Variants in ZFHX3 observed in about 807,000 individuals in gnomAD.
ZFHX3 encodes zinc finger homeobox protein 3.
ZFHX3 carries 42 observed loss-of-function variants against 279.1 expected under a neutral mutation model. The ratio of observed to expected loss-of-function variants is 0.15; its 90% CI spans 0.12 to 0.19. The LOEUF is 0.19. ZFHX3 is among the 10% of genes least tolerant of loss of function. The pLI is 1.00. For synonymous variants in ZFHX3, 2,293 were observed against 1,957.8 expected (o/e 1.17, Z -4.52); for missense variants, 4,981 against 4,754.0 (o/e 1.05, Z -1.40).
chr16:73,419,097 G>A (rs1251083548), intron 3 of ZFHX3, among the ~76,000 whole-genome samples: 2 of 152,350 alleles, frequency 1.3e-5, no homozygotes, highest in East Asian at 1.9e-4. Context: ...CCCAGATGTT[G>A]GGGAGTGCAA....
At chr16:73,686,016 T>C (rs1338764975) in intron 1 of ZFHX3, among the ~76,000 whole-genome samples, 1 of 152,236 alleles carries the variant, frequency 6.6e-6, no homozygotes, top group Non-Finnish European at 1.5e-5. Flanking sequence ...CAGTTGTCTT[T>C]ATGTTGAACT....
At chr16:73,302,917 C>A (rs1157700161) in intron 4 of ZFHX3, among the ~76,000 whole-genome samples, 1 of 152,202 alleles carries the variant, frequency 6.6e-6, no homozygotes, top group Admixed American at 6.5e-5. Context: ...TGGCATTAAA[C>A]TGTGGCAGGT....
At chr16:73,445,013 T>C (rs2018158532) in intron 3 of ZFHX3, among the ~76,000 whole-genome samples, 1 of 145,044 alleles carries the variant, frequency 6.9e-6, no homozygotes, top group Non-Finnish European at 1.5e-5. Flanking sequence ...CAGGGGCCTA[T>C]AGTCCCAGCT....
At chr16:73,581,659 CTTTTTTTT>C (rs11286052) in intron 2 of ZFHX3, among the ~76,000 whole-genome samples, 2 of 73,426 alleles carry the variant, frequency 2.7e-5, no homozygotes, top group African/African-American at 5.7e-5. Flanking sequence ...TCGAATGTCT[CTTTTTTTT>C]TTTTTTTTTT....
chr16:73,517,114 C>A (rs939579829), intron 2 of ZFHX3, among the ~76,000 whole-genome samples: 3 of 152,182 alleles, frequency 2.0e-5, no homozygotes. Flanking sequence ...CCTTCAGTCT[C>A]GCTTTACTGC....
At chr16:72,911,346 G>A (rs2039311254) in intron 3 of ZFHX3, among the ~76,000 whole-genome samples, 1 of 152,198 alleles carries the variant, frequency 6.6e-6, no homozygotes, top group Non-Finnish European at 1.5e-5. Context: ...AAGTAATTGA[G>A]GGAAAAGGAC....
intron 1 of ZFHX3, among the ~76,000 whole-genome samples, chr16:73,022,207 C>T (rs1042404617): frequency 2.0e-5 from 3 of 152,152 alleles, no homozygotes; most frequent in Non-Finnish European, 2.9e-5. Flanking sequence ...CCGGCACCAA[C>T]AACAGTGTCT....
chr16:72,848,740 C>A (rs946118946), intron 4 of ZFHX3, among the ~76,000 whole-genome samples: 2 of 151,014 alleles, frequency 1.3e-5, no homozygotes, highest in Non-Finnish European at 3.0e-5. Context: ...GCCTCCTCAT[C>A]TCCCCATGCC....
intron 5 of ZFHX3, among the ~76,000 whole-genome samples, chr16:73,187,434 CT>C (rs900651165): frequency 4.6e-5 from 7 of 152,006 alleles, no homozygotes; most frequent in African/African-American, 1.7e-4. Flanking sequence ...CCTGACCCCC[CT>C]GCCCTCTCCT....
At chr16:73,429,496 C>A (rs1369689410) in intron 3 of ZFHX3, among the ~76,000 whole-genome samples, 1 of 151,858 alleles carries the variant, frequency 6.6e-6, no homozygotes, top group African/African-American at 2.4e-5. Flanking sequence ...CCATGCCCGG[C>A]TGATTTTTGG....
intron 5 of ZFHX3, among the ~76,000 whole-genome samples, chr16:73,164,778 T>C (rs1967320364): frequency 6.6e-6 from 1 of 152,008 alleles, no homozygotes; most frequent in Admixed American, 6.5e-5. Flanking sequence ...GGCTTTGCCA[T>C]GGACCAAGCA....
intron 2 of ZFHX3, among the ~76,000 whole-genome samples, chr16:73,582,631 C>T (rs2051873994): frequency 1.3e-5 from 2 of 151,790 alleles, no homozygotes; most frequent in South Asian, 2.1e-4. Flanking sequence ...CCCAGCACCA[C>T]ACCCAGCAAA....
At chr16:73,427,633 C>A (rs2017834095) in intron 3 of ZFHX3, among the ~76,000 whole-genome samples, 1 of 152,148 alleles carries the variant, frequency 6.6e-6, no homozygotes, top group Non-Finnish European at 1.5e-5. Flanking sequence ...TAGCCACTGA[C>A]TAGCATTAAG....
At chr16:72,843,372 G>A (rs541209747) in intron 4 of ZFHX3, among the ~76,000 whole-genome samples, 76 of 152,126 alleles carry the variant, frequency 5.0e-4, no homozygotes, top group Middle Eastern at 3.4e-3. Context: ...TTAGCCGGGC[G>A]TGGTGGCGGG....
At chr16:73,416,532 T>C (rs2017584473) in intron 3 of ZFHX3, among the ~76,000 whole-genome samples, 1 of 152,108 alleles carries the variant, frequency 6.6e-6, no homozygotes, top group Admixed American at 6.5e-5. Context: ...GTCATAAATG[T>C]CGTAGGCAAG....
At chr16:73,546,139 C>T (rs1265126751) in intron 2 of ZFHX3, among the ~76,000 whole-genome samples, 2 of 152,228 alleles carry the variant, frequency 1.3e-5, no homozygotes, top group South Asian at 2.1e-4. Flanking sequence ...ACTTATGGTA[C>T]ATTGAAAATT....
intron 2 of ZFHX3, among the ~76,000 whole-genome samples, chr16:73,490,196 C>G (rs1222753251): frequency 6.6e-6 from 1 of 152,154 alleles, no homozygotes; most frequent in Non-Finnish European, 1.5e-5. Context: ...TCCGCTGCAG[C>G]TCAGAATGGA....
intron 3 of ZFHX3, among the ~76,000 whole-genome samples, chr16:73,385,901 G>T (rs770426439): frequency 2.0e-5 from 3 of 152,096 alleles, no homozygotes; most frequent in African/African-American, 7.2e-5. Flanking sequence ...GGATGTTCCT[G>T]TGCCTTGTGG....
At chr16:73,464,689 T>C (rs893185325) in intron 2 of ZFHX3, among the ~76,000 whole-genome samples, 2 of 152,140 alleles carry the variant, frequency 1.3e-5, no homozygotes, top group African/African-American at 4.8e-5. Context: ...CGGAGCTGCT[T>C]TGATCTGAAG....
Sources: allele counts gnomAD v4.1 joint callset (sites outside exome capture counted in the v4.1 genomes callset), GRCh38; gene constraint gnomAD v4.1.1; transcripts MANE v1.5; gene names NCBI Gene and HGNC (gene_info 2026-07-23, HGNC 2026-07-21).